Variants in FAT3 observed in about 807,000 individuals in gnomAD.
FAT3 encodes the protein FAT atypical cadherin 3.
Under a neutral mutation model 310.2 loss-of-function variants are expected in FAT3, and 95 were observed. The ratio of observed to expected loss-of-function variants is 0.31; its 90% CI spans 0.26 to 0.36. The LOEUF (loss-of-function observed/expected upper bound fraction) is 0.36. Ranked by LOEUF, FAT3 falls within the 10% of genes least tolerant of loss-of-function variation. The pLI is 1.00. For synonymous variants in FAT3, 2,314 were observed against 2,192.9 expected, an observed-to-expected ratio of 1.06 and a Z score of -1.54; for missense variants, 5,408 against 5,715.6, an observed-to-expected ratio of 0.95 and a Z score of 1.74.
intron 3 of FAT3, among the ~76,000 whole-genome samples, chr11:92,540,775 G>GTT (rs58218154): frequency 7.1e-6 from 1 of 140,538 alleles, no homozygotes; most frequent in African/African-American, 2.6e-5. Flanking sequence ...GTTTTGTTTT[G>GTT]TTTTTTTTGA....
At chr11:92,253,001 G>C (rs944227824) in intron 1 of FAT3, among the ~76,000 whole-genome samples, 5 of 152,104 alleles carry the variant, frequency 3.3e-5, no homozygotes, top group Admixed American at 2.6e-4. Flanking sequence ...TAGGCAGCTT[G>C]ACTATCACAC....
chr11:92,404,405 A>G (rs1484388300), intron 2 of FAT3, among the ~76,000 whole-genome samples: 2 of 151,940 alleles, frequency 1.3e-5, no homozygotes, highest in African/African-American at 2.4e-5. Flanking sequence ...AACTGGGAGA[A>G]TGGAATCCCA....
chr11:92,799,395 G>T lies in FAT3; in HGVS notation c.6382G>T (p.Gly2128Cys). The change falls in exon 10 of 28, where the codon GGC (glycine) becomes TGC (cysteine). Residue 2128 changes from glycine to cysteine, a missense_variant. Physicochemically the swap from Gly to Cys is radical, Grantham distance 159. Around this residue, in one of 5 missense-constraint regions of FAT3, gnomAD observed 4,588 missense variants for 4,809.8 expected, o/e 0.95. Transcript: ENST00000525166. The stretch of plus-strand genomic sequence containing the variant: ...GACCTATGTCCTGCAGGATGACTAT[G>T]GCCACTTTGAAATTAACCCTAATTC... ...EVTYVLQDDY[G>C]HFEINPNSGN... The T allele has an allele frequency of 2.5e-6, 4 of 1,613,632 alleles. No homozygotes were observed.
At chr11:92,439,173 G>A (rs959466688) in intron 2 of FAT3, among the ~76,000 whole-genome samples, 3 of 152,072 alleles carry the variant, frequency 2.0e-5, no homozygotes, top group East Asian at 1.9e-4. Flanking sequence ...TACAGGAACC[G>A]TTGTTGCACA....
In FAT3 at chr11:92,527,564, G is replaced by C. The variant is rs373356625; in HGVS notation, c.3607+2616G>C. On this transcript the variant is annotated intron_variant, in intron 3 of 27. Transcript: ENST00000525166. ...GTTTGAAGGCTGTTGGTAAACTACAGAGTTCTGTAAGAGTCATGTTATGCC... is the reference window on the plus strand; with the variant it reads ...GTTTGAAGGCTGTTGGTAAACTACACAGTTCTGTAAGAGTCATGTTATGCC... Among the ~76,000 whole-genome samples, 14 of 152,310 alleles carry C rather than the reference G, an allele frequency of 9.2e-5. No homozygotes were observed. The South Asian group carries it at 2.7e-3, about 29-fold the overall frequency.
At chr11:92,758,234 TAGA>T (rs1326829315) in intron 4 of FAT3, among the ~76,000 whole-genome samples, 1 of 152,154 alleles carries the variant, frequency 6.6e-6, no homozygotes, top group Non-Finnish European at 1.5e-5. Flanking sequence ...GCTCACAGTC[TAGA>T]AGGATTGAAT....
At chr11:92,862,157 G>A (rs1309830856) in intron 21 of FAT3, among the ~76,000 whole-genome samples, 2 of 152,178 alleles carry the variant, frequency 1.3e-5, no homozygotes, top group Non-Finnish European at 2.9e-5. Context: ...GTGAAGTTGG[G>A]TAGAGTAGAA....
chr11:92,461,888 G>T (rs1273977722), intron 2 of FAT3, among the ~76,000 whole-genome samples: 1 of 152,148 alleles, frequency 6.6e-6, no homozygotes, highest in Non-Finnish European at 1.5e-5. Context: ...GGTACTTATT[G>T]CAGTGTAGCA....
intron 13 of FAT3, among the ~76,000 whole-genome samples, chr11:92,811,165 A>C (rs956967596): frequency 2.0e-5 from 3 of 152,208 alleles, no homozygotes; most frequent in Non-Finnish European, 2.9e-5. Flanking sequence ...AATGGTAAAC[A>C]AGAAAGACCT....
At chr11:92,262,243 C>T (rs2134309584) in intron 1 of FAT3, among the ~76,000 whole-genome samples, 1 of 152,216 alleles carries the variant, frequency 6.6e-6, no homozygotes. Context: ...TTGGTAATTA[C>T]AGCTCATGGG....
At chr11:92,707,115 CACCTCTAATTT>C (rs1430024525) in intron 4 of FAT3, among the ~76,000 whole-genome samples, 1 of 152,200 alleles carries the variant, frequency 6.6e-6, no homozygotes, top group African/African-American at 2.4e-5. Flanking sequence ...CATAAATAGC[CACCTCTAATTT>C]ACCTGTTTGT....
chr11:92,801,555 C>G lies in FAT3; in HGVS notation c.8542C>G (p.Gln2848Glu). Reference sequence around the variant, plus strand: ...TGATATGGACTGGGGAGCCAATGGACAAGTCACTTACTCCCTCCACTCGGA... The same window carrying G: ...TGATATGGACTGGGGAGCCAATGGAGAAGTCACTTACTCCCTCCACTCGGA... ...AIDMDWGANG[Q>E]VTYSLHSDSQ... The change falls in exon 10 of 28, where the codon CAA becomes GAA. Residue 2848 changes from glutamine (Q) to glutamate (E), a missense_variant. This residue lies in a region of FAT3 where 4,588 missense variants were observed against 4,809.8 expected (regional missense o/e 0.95). Transcript: ENST00000525166. 1.2e-6 allele frequency: 2 copies of G among 1,607,946 alleles called. No homozygotes were observed. The highest frequency in any genetic ancestry group is 1.7e-6 in the Non-Finnish European group (2 of 1,176,944).
At chr11:92,833,796 A>G (rs933874507) in intron 14 of FAT3, among the ~76,000 whole-genome samples, 3 of 152,204 alleles carry the variant, frequency 2.0e-5, no homozygotes, top group African/African-American at 4.8e-5. Context: ...TGACCATTGT[A>G]TATAAACACC....
chr11:92,354,486 G>C lies in FAT3; in HGVS notation c.2374G>C (p.Glu792Gln). The C allele has an allele frequency of 2.5e-6, 4 of 1,613,742 alleles. No homozygotes were observed. The highest frequency in any genetic ancestry group is 3.3e-5 in the Admixed American group (2 of 59,938). The change falls in exon 2 of 28, where the codon GAA (glutamate) becomes CAA (glutamine). Residue 792 changes from glutamate to glutamine, a missense_variant. Around this residue, in one of 5 missense-constraint regions of FAT3, gnomAD observed 4,588 missense variants for 4,809.8 expected, o/e 0.95. Transcript: ENST00000525166. Reference sequence around the variant, plus strand: ...TAAAGTCCTTATGCCCATGGATCGAGAACACACAGACCTCTATCTCCTTAA... The same window carrying C: ...TAAAGTCCTTATGCCCATGGATCGACAACACACAGACCTCTATCTCCTTAA... ...QLKVLMPMDR[E>Q]HTDLYLLNIT...
intron 2 of FAT3, among the ~76,000 whole-genome samples, chr11:92,429,977 A>G (rs1043928120): frequency 1.1e-4 from 16 of 152,290 alleles, no homozygotes; most frequent in Non-Finnish European, 1.5e-4. Context: ...GTGTTTTCCA[A>G]CTTGGTTCCA....
intron 1 of FAT3, among the ~76,000 whole-genome samples, chr11:92,334,471 T>A (rs1948002233): frequency 6.6e-6 from 1 of 152,184 alleles, no homozygotes; most frequent in African/African-American, 2.4e-5. Context: ...TAATGAATTA[T>A]GCCTTATGAC....
At chr11:92,509,791 G>A (rs564639054) in intron 2 of FAT3, among the ~76,000 whole-genome samples, 2 of 151,748 alleles carry the variant, frequency 1.3e-5, no homozygotes, top group Non-Finnish European at 2.9e-5. Flanking sequence ...TACTGCTTTG[G>A]GGTGAAAATA....
At chr11:92,241,909 A>G (rs754461310) in intron 1 of FAT3, among the ~76,000 whole-genome samples, 41 of 152,070 alleles carry the variant, frequency 2.7e-4, no homozygotes, top group Non-Finnish European at 5.0e-4. Flanking sequence ...TTATTTTTAC[A>G]CACCTGTAGA....
intron 13 of FAT3, among the ~76,000 whole-genome samples, chr11:92,818,670 A>C (rs929312726): frequency 1.2e-4 from 19 of 152,224 alleles, no homozygotes; most frequent in African/African-American, 4.3e-4. Context: ...ACCTGGGGCA[A>C]GTCTTCAGCT....
Sources: gnomAD v4.1 joint callset for allele counts (sites outside exome capture counted in the v4.1 genomes callset) on GRCh38, gnomAD v4.1.1 for gene constraint, gnomAD v4.1.1 regional missense constraint, MANE v1.5 for transcripts, NCBI Gene and HGNC (gene_info 2026-07-23, HGNC 2026-07-21) for gene names.